The following PCLO variants were observed in gnomAD, a reference collection of about 807,000 sequenced individuals.
PCLO encodes piccolo presynaptic cytomatrix protein.
A neutral mutation model predicts 427.5 loss-of-function variants in PCLO; 82 were observed. The ratio of observed to expected loss-of-function variants is 0.19; its 90% CI spans 0.16 to 0.23. The LOEUF (loss-of-function observed/expected upper bound fraction) is 0.23. PCLO is among the 10% of genes least tolerant of loss of function. PCLO has a pLI of 1.00. For missense variants in PCLO, 6,239 were observed against 6,115.9 expected, an observed-to-expected ratio of 1.02 and a Z score of -0.67; for synonymous variants, 2,357 against 2,155.4, an observed-to-expected ratio of 1.09 and a Z score of -2.59.
chr7:82,998,100 T>G (rs1787675011), intron 3 of PCLO, among the ~76,000 whole-genome samples: 1 of 151,944 alleles, frequency 6.6e-6, no homozygotes, highest in Non-Finnish European at 1.5e-5. Context: ...GTGCAGAAAC[T>G]CAGAAGCAAA....
chr7:82,955,616 C>T lies in PCLO; in HGVS notation c.5337G>A (p.Leu1779=). 2 of 1,613,938 alleles carry T rather than the reference C, an allele frequency of 1.2e-6. No homozygotes were observed. The highest frequency in any genetic ancestry group is 1.7e-6 in the Non-Finnish European group (2 of 1,179,854). ...CCTTTAATAATTCTTCTTCCTCTCTCAATTCTTCTTCCTCTGAAGAATCTT... is the reference window on the plus strand; with the variant it reads ...CCTTTAATAATTCTTCTTCCTCTCTTAATTCTTCTTCCTCTGAAGAATCTT... ...TIEDSSEEEE[L]REEEELLKEQ... The change falls in exon 5 of 25, where the codon TTG becomes TTA. Residue 1779 remains leucine, a synonymous_variant. Coordinates refer to ENST00000333891, the MANE Select transcript of PCLO (RefSeq NM_033026.6).
intron 2 of PCLO, among the ~76,000 whole-genome samples, chr7:83,149,809 T>C (rs2116666211): frequency 6.6e-6 from 1 of 152,342 alleles, no homozygotes; most frequent in South Asian, 2.1e-4. Flanking sequence ...TTAACCCAAC[T>C]GAAGAATTTC....
At chr7:83,029,297 A>C (rs914425659) in intron 3 of PCLO, among the ~76,000 whole-genome samples, 83 of 151,980 alleles carry the variant, frequency 5.5e-4, no homozygotes, top group Non-Finnish European at 1.0e-3. Context: ...AAAAGTGGGC[A>C]AAGGACATGA....
At chr7:82,779,707 CT>C (rs1326656229) in intron 22 of PCLO, among the ~76,000 whole-genome samples, 3 of 143,056 alleles carry the variant, frequency 2.1e-5, no homozygotes, top group African/African-American at 5.1e-5. Flanking sequence ...TGGGTTTTTT[CT>C]TTATTTTTGC....
chr7:82,871,544 G>T (rs950508658), intron 10 of PCLO, among the ~76,000 whole-genome samples: 1 of 151,860 alleles, frequency 6.6e-6, no homozygotes, highest in Non-Finnish European at 1.5e-5. Flanking sequence ...ATAGCACAAA[G>T]GGTGACTATA....
At chr7:82,812,187 T>A (rs914634908) in intron 20 of PCLO, among the ~76,000 whole-genome samples, 13 of 151,462 alleles carry the variant, frequency 8.6e-5, no homozygotes, top group African/African-American at 2.9e-4. Context: ...CTTAATGACA[T>A]CTTAATGAAC....
At chr7:82,966,711 C>G (rs1233900087) in intron 3 of PCLO, among the ~76,000 whole-genome samples, 1 of 151,952 alleles carries the variant, frequency 6.6e-6, no homozygotes, top group East Asian at 1.9e-4. Flanking sequence ...TAGCAATTCA[C>G]TATCTTCATT....
At chr7:83,098,640 T>C (rs759731530) in intron 3 of PCLO, among the ~76,000 whole-genome samples, 1 of 119,318 alleles carries the variant, frequency 8.4e-6, no homozygotes, top group South Asian at 2.5e-4. Context: ...TCTTATCATA[T>C]GTTCATTAAA....
chr7:82,821,589 T>C (rs1357866985), intron 20 of PCLO: 16 of 969,518 alleles, frequency 1.7e-5, no homozygotes, highest in Non-Finnish European at 1.8e-5. Flanking sequence ...ATTAAGTTTT[T>C]ATATAATTAT....
At chr7:82,891,376 C>T (rs1001271310) in intron 9 of PCLO, among the ~76,000 whole-genome samples, 21 of 152,026 alleles carry the variant, frequency 1.4e-4, no homozygotes, top group African/African-American at 4.6e-4. Context: ...GATTTTTGCA[C>T]ACTGATTTTG....
chr7:83,125,317 C>A (rs1791408969), intron 3 of PCLO, among the ~76,000 whole-genome samples: 1 of 152,014 alleles, frequency 6.6e-6, no homozygotes, highest in African/African-American at 2.4e-5. Context: ...GTGGGGGGCA[C>A]CCCCGCCCGG....
At chr7:82,908,041 G>A (rs1408579621) in intron 8 of PCLO, among the ~76,000 whole-genome samples, 1 of 151,934 alleles carries the variant, frequency 6.6e-6, no homozygotes, top group Non-Finnish European at 1.5e-5. Flanking sequence ...ATGATTAGGG[G>A]TTTATGTAAA....
Position 82,953,396 on chromosome 7 carries a change from A to G in PCLO, c.7557T>C (p.Leu2519=). The G allele has an allele frequency of 1.2e-6, 2 of 1,613,500 alleles. No homozygotes were observed. The highest frequency in any genetic ancestry group is 4.5e-5 in the East Asian group (2 of 44,806). Residue 2519 remains leucine (L), a synonymous_variant, in exon 5 of 25, where the codon CTT becomes CTC. Transcript: ENST00000333891. The part of the protein sequence containing the change: ...PIAPKPVIPQ[L]PTTTQKPTDI... ...CTGTTGGTTTTTGTGTAGTTGTTGGAAGCTGAGGAATCACTGGTTTGGGGG... is the reference window on the plus strand; with the variant it reads ...CTGTTGGTTTTTGTGTAGTTGTTGGGAGCTGAGGAATCACTGGTTTGGGGG...
intron 20 of PCLO, 55 bp from the exon 21 acceptor site, chr7:82,805,884 T>C (rs540574029): frequency 1.3e-6 from 2 of 1,504,952 alleles, no homozygotes; most frequent in South Asian, 1.2e-5. Flanking sequence ...CTGACATTGA[T>C]CTACAAATGC....
At chr7:83,093,594 G>A (rs1300231829) in intron 3 of PCLO, among the ~76,000 whole-genome samples, 2 of 146,212 alleles carry the variant, frequency 1.4e-5, no homozygotes, top group African/African-American at 5.0e-5. Flanking sequence ...CCGGGTTCAT[G>A]CCATTCTCCT....
chr7:82,984,234 C>T (rs182850639), intron 3 of PCLO, among the ~76,000 whole-genome samples: 8 of 152,052 alleles, frequency 5.3e-5, no homozygotes, highest in Admixed American at 3.9e-4. Context: ...GAGTTACCTA[C>T]TTTTATGGTA....
chr7:82,792,256 C>A (rs1012140736), intron 22 of PCLO, among the ~76,000 whole-genome samples: 4 of 151,476 alleles, frequency 2.6e-5, no homozygotes, highest in Admixed American at 6.6e-5. Flanking sequence ...TTTTTTTCTT[C>A]TTATTATTAT....
chr7:82,798,823 G>C (rs1791282080), intron 22 of PCLO, among the ~76,000 whole-genome samples: 1 of 152,072 alleles, frequency 6.6e-6, no homozygotes, highest in Admixed American at 6.5e-5. Flanking sequence ...GCTACCAAAA[G>C]GGCACTTGAC....
rs1466882512 is a variant in PCLO, at chr7:83,135,439, G to A, written c.2111C>T (p.Pro704Leu). The A allele has an allele frequency of 4.3e-6, 7 of 1,613,854 alleles. No individual in the cohort carries two copies. In the East Asian group the frequency reaches 8.9e-5, roughly 21 times the overall value. ...AAGGGTTGGTTGTTTCACTAGTGGTGGTGGCTTTTTAGGCTCAGGTGCCTT... is the reference window on the plus strand; with the variant it reads ...AAGGGTTGGTTGTTTCACTAGTGGTAGTGGCTTTTTAGGCTCAGGTGCCTT... ...LSKAPEPKKP[P>L]PLVKQPTLHG... The change falls in exon 3 of 25, where the codon CCA (proline) becomes CTA (leucine). Residue 704 changes from proline to leucine, a missense_variant. Transcript: ENST00000333891.
Sources: gnomAD v4.1 joint callset for allele counts (sites outside exome capture counted in the v4.1 genomes callset) on GRCh38, gnomAD v4.1.1 for gene constraint, MANE v1.5 for transcripts, NCBI Gene and HGNC (gene_info 2026-07-23, HGNC 2026-07-21) for gene names.